FOXN3: variants seen among roughly 807,000 people sequenced by gnomAD.
FOXN3 encodes forkhead box N3.
Under a neutral mutation model 38.4 loss-of-function variants are expected in FOXN3, and 7 were observed. The observed-to-expected ratio is 0.18, with a 90% CI of 0.10 to 0.34. The LOEUF (loss-of-function observed/expected upper bound fraction) is 0.34. Among genes scored for constraint, FOXN3 ranks in the 10% least tolerant of loss-of-function variants. The pLI, the probability that FOXN3 is intolerant of heterozygous loss-of-function variation, is 1.00. For synonymous variants in FOXN3, 230 were observed against 242.2 expected, an observed-to-expected ratio of 0.95 and a Z score of 0.47; for missense variants, 456 against 613.4, an observed-to-expected ratio of 0.74 and a Z score of 2.71.
intron 2 of FOXN3, among the ~76,000 whole-genome samples, chr14:89,352,913 CA>C (rs1162061217): frequency 2.0e-5 from 3 of 152,168 alleles, no homozygotes; most frequent in Admixed American, 2.0e-4. Context: ...AGATTGAACC[CA>C]GGAGCCAGAA....
upstream of FOXN3, chr14:89,419,486 A>C (rs1465130019): frequency 1.1e-4 from 32 of 296,808 alleles, no homozygotes; most frequent in Admixed American, 1.4e-3. Flanking sequence ...GCATTGTCTA[A>C]TGTCTTGTCT....
intron 4 of FOXN3, chr14:89,184,146 T>G (rs965571033): frequency 2.6e-5 from 4 of 152,200 alleles, no homozygotes; most frequent in Admixed American, 2.6e-4. Context: ...TGGAAGAATG[T>G]AGCCATCTTC....
chr14:89,165,001 C>A (rs557356292), intron 5 of FOXN3, among the ~76,000 whole-genome samples: 1 of 152,108 alleles, frequency 6.6e-6, no homozygotes, highest in Non-Finnish European at 1.5e-5. Flanking sequence ...TCCGTACTGT[C>A]GTGTCCACCA....
At chr14:89,314,924 T>G (rs532166577) in intron 3 of FOXN3, among the ~76,000 whole-genome samples, 2 of 152,170 alleles carry the variant, frequency 1.3e-5, no homozygotes, top group Non-Finnish European at 2.9e-5. Context: ...AAACTCAGCC[T>G]AAAAGAATGG....
chr14:89,482,767 G>A (rs77438518), intron 1 of FOXN3, among the ~76,000 whole-genome samples: 3 of 149,576 alleles, frequency 2.0e-5, no homozygotes, highest in Admixed American at 6.7e-5. Flanking sequence ...GAAATTAGCT[G>A]GGCATGGTGG....
At chr14:89,532,453 T>C (rs186980219) in intron 1 of FOXN3, among the ~76,000 whole-genome samples, 7 of 152,324 alleles carry the variant, frequency 4.6e-5, no homozygotes, top group South Asian at 2.1e-4. Context: ...ATGTTTATAA[T>C]AAACATGTCA....
rs1596173941 is a variant in FOXN3, at chr14:89,311,503, C to A, written c.681-30489G>T. ...AAAAAAAAAAAAAAAAGGTGTATGG[C>A]AATCAAAAGGATGGGATACTAGCAT... On this transcript the variant is annotated intron_variant, in intron 3 of 5. Transcript: ENST00000557258. Among the ~76,000 whole-genome samples, 13 of 130,912 alleles carry A rather than the reference C, an allele frequency of 9.9e-5. No homozygotes were observed. The South Asian group carries it at 3.3e-3, about 33-fold the overall frequency. 85.9% of individuals were successfully genotyped at this position (130,912 alleles called of 152,430 possible).
chr14:89,363,969 T>TATATATATATATATATATA (rs1347450359), intron 2 of FOXN3, among the ~76,000 whole-genome samples: 1 of 95,034 alleles, frequency 1.1e-5, no homozygotes, highest in African/African-American at 5.1e-5. Flanking sequence ...TATATATATA[T>TATATATATATATATATATA]ATATATATAT....
chr14:89,578,447 C>A (rs1036354154), intron 1 of FOXN3, among the ~76,000 whole-genome samples: 2 of 152,112 alleles, frequency 1.3e-5, no homozygotes, highest in African/African-American at 4.8e-5. Flanking sequence ...GCTAATAACT[C>A]AAATTCCATG....
chr14:89,570,004 T>G (rs1157792573), intron 1 of FOXN3, among the ~76,000 whole-genome samples: 2 of 105,328 alleles, frequency 1.9e-5, no homozygotes, highest in African/African-American at 9.9e-5. Context: ...ACTTGGTATG[T>G]TTTTTTTTTT....
intron 4 of FOXN3, among the ~76,000 whole-genome samples, chr14:89,274,855 C>A (rs1886255097): frequency 1.3e-5 from 2 of 152,190 alleles, no homozygotes; most frequent in Admixed American, 1.3e-4. Flanking sequence ...TGGGCATCCT[C>A]AGCCTTTGCC....
chr14:89,594,180 T>C (rs914573681), intron 1 of FOXN3, among the ~76,000 whole-genome samples: 1 of 152,246 alleles, frequency 6.6e-6, no homozygotes, highest in Non-Finnish European at 1.5e-5. Context: ...TTTCTATCCA[T>C]AATTTTGGGT....
chr14:89,578,093 G>C (rs974054719), intron 1 of FOXN3, among the ~76,000 whole-genome samples: 2 of 151,968 alleles, frequency 1.3e-5, no homozygotes, highest in African/African-American at 2.4e-5. Flanking sequence ...CATATGAAAG[G>C]GAAAAAATGC....
In FOXN3 at chr14:89,320,715, A is replaced by C. The variant is rs148391466; in HGVS notation, c.680+29957T>G. On this transcript the variant is annotated intron_variant, in intron 3 of 5. Transcript: ENST00000557258. ...CAATACAAACTTCAGATAAAGCAGG[A>C]AGGCTGATAGCATGAGGAAGGAGAA... 5.1e-3 allele frequency among the ~76,000 whole-genome samples: 784 copies of C among 152,332 alleles called. 3 individuals carry two copies. The highest frequency in any genetic ancestry group is 0.018 in the African/African-American group (766 of 41,574).
chr14:89,513,150 G>GAAAAAAAAA (rs36003791), intron 1 of FOXN3, among the ~76,000 whole-genome samples: 4 of 102,042 alleles, frequency 3.9e-5, no homozygotes, highest in Non-Finnish European at 5.6e-5. Flanking sequence ...TCCATCTCAG[G>GAAAAAAAAA]AAAAAAAAAA....
chr14:89,312,749 T>C (rs1176374087), intron 3 of FOXN3, among the ~76,000 whole-genome samples: 1 of 152,162 alleles, frequency 6.6e-6, no homozygotes, highest in African/African-American at 2.4e-5. Flanking sequence ...TACTAGCCCC[T>C]ACAACATTGG....
At chr14:89,303,945 T>TCTC in intron 3 of FOXN3, among the ~76,000 whole-genome samples, 1 of 152,276 alleles carries the variant, frequency 6.6e-6, no homozygotes, top group South Asian at 2.1e-4. Flanking sequence ...GAAGAAGAGA[T>TCTC]TTACACACCC....
intron 4 of FOXN3, among the ~76,000 whole-genome samples, chr14:89,232,672 T>C (rs193256544): frequency 1.3e-5 from 2 of 152,162 alleles, no homozygotes; most frequent in Non-Finnish European, 2.9e-5. Flanking sequence ...TAACCTTGTT[T>C]TTCCACAGCC....
At chr14:89,496,058 C>A (rs1893675358) in intron 1 of FOXN3, among the ~76,000 whole-genome samples, 1 of 152,008 alleles carries the variant, frequency 6.6e-6, no homozygotes, top group African/African-American at 2.4e-5. Context: ...ACTAAAAATT[C>A]AAAAATTAGC....
Sources: gnomAD v4.1 joint callset for allele counts (sites outside exome capture counted in the v4.1 genomes callset) on GRCh38, gnomAD v4.1.1 for gene constraint, MANE v1.5 for transcripts, NCBI Gene and HGNC (gene_info 2026-07-23, HGNC 2026-07-21) for gene names.